ZC3H14: variants seen among roughly 807,000 people sequenced by gnomAD.
The protein encoded by ZC3H14 is zinc finger CCCH-type containing 14, also known as zinc finger CCCH domain-containing protein 14.
ZC3H14 carries 31 observed loss-of-function variants against 92.4 expected under a neutral mutation model. The ratio of observed to expected loss-of-function variants is 0.34; its 90% CI spans 0.25 to 0.45. ZC3H14 has a LOEUF of 0.45. Among genes scored for constraint, ZC3H14 ranks in the 20% least tolerant of loss-of-function variants. The pLI is 1.00. For synonymous variants in ZC3H14, 321 were observed against 300.9 expected, an observed-to-expected ratio of 1.07 and a Z score of -0.69; for missense variants, 781 against 897.3, an observed-to-expected ratio of 0.87 and a Z score of 1.66.
In ZC3H14 at chr14:88,616,971, C is replaced by A; in HGVS notation, c.*5220C>A. 8.4e-7 allele frequency: 1 copy of A among 1,191,382 alleles called. No individual in the cohort carries two copies. Among genetic ancestry groups the A allele is most frequent in the South Asian group, 1.6e-5 (1 of 62,736 alleles). The allele number at this position is 1,191,382 out of a possible 1,614,324, so 73.8% of individuals were successfully genotyped here. A position where few individuals can be genotyped will look rare whatever the true frequency, so the allele number is the denominator to read the frequency against. ...TTTCTTGGCAATTAATCTCTAAGTA[C>A]CCTATCATGTTACTTAAAATACAGG... is the stretch of plus-strand genomic sequence containing the variant. On this transcript the variant is annotated 3_prime_UTR_variant, in exon 17 of 17. Coordinates refer to ENST00000251038, the MANE Select transcript of ZC3H14 (RefSeq NM_024824.5).
At chr14:88,609,618 A>G (rs2086203484) in intron 14 of ZC3H14, 94 bp from the exon 15 acceptor site, 1 of 1,478,308 alleles carries the variant, frequency 6.8e-7, no homozygotes, top group South Asian at 1.1e-5. Flanking sequence ...TAATTTAAAA[A>G]TGGTTTTCAC....
At chr14:88,567,284 T>G (rs984228755) in intron 2 of ZC3H14, among the ~76,000 whole-genome samples, 1 of 151,522 alleles carries the variant, frequency 6.6e-6, no homozygotes, top group Non-Finnish European at 1.5e-5. Flanking sequence ...CCCGGCTAAT[T>G]TTTTGTATTT....
In ZC3H14 at chr14:88,616,081, T is replaced by TAA. The variant is rs2087563813; in HGVS notation, c.*4330_*4331insAA. Reference sequence around the variant, plus strand: ...CATAAACCAAAGCTGTAGGAGTTGTTGTATTAAGTCTCTTAACTAGTAACA... The same window carrying TAA: ...CATAAACCAAAGCTGTAGGAGTTGTTAAGTATTAAGTCTCTTAACTAGTAACA... On this transcript the variant is annotated 3_prime_UTR_variant, in exon 17 of 17. Transcript: ENST00000251038. 1.3e-6 allele frequency: 2 copies of TAA among 1,545,876 alleles called. No individual in the cohort carries two copies. Among genetic ancestry groups the TAA allele is most frequent in the Admixed American group, 1.7e-5 (1 of 59,664 alleles).
chr14:88,604,432 C>A (rs907691417), intron 12 of ZC3H14, among the ~76,000 whole-genome samples: 1 of 152,008 alleles, frequency 6.6e-6, no homozygotes, highest in African/African-American at 2.4e-5. Context: ...AGTCTCTAGT[C>A]TCTGCACCAC....
Position 88,620,683 on chromosome 14 carries a change from C to T in ZC3H14, c.*8932C>T. ...TGGGGACCTCTTTTTGAAGGCAAGG[C>T]TATGGAAAATTTTACAAATGGAAGT... On this transcript the variant is annotated 3_prime_UTR_variant, in exon 17 of 17. Transcript: ENST00000251038. This position sits in a 1 kb window ranked among gnomAD's most constrained non-coding sequence, Gnocchi z 4.3. The T allele has an allele frequency of 7.5e-7, 1 of 1,339,776 alleles. No individual in the cohort carries two copies. Among genetic ancestry groups the T allele is most frequent in the South Asian group, 2.0e-5 (1 of 49,426 alleles). 83.0% of individuals were successfully genotyped at this position (1,339,776 alleles called of 1,614,324 possible).
chr14:88,571,142 T>A lies in ZC3H14; in HGVS notation c.235+18T>A, dbSNP rs1406280551. 3.2e-6 allele frequency: 5 copies of A among 1,576,620 alleles called. No homozygotes were observed. The Admixed American group carries it at 6.9e-5, about 22-fold the overall frequency. On this transcript the variant is annotated intron_variant, in intron 4 of 16. Transcript: ENST00000251038. ...TACAACTGGTAAGATTCATAACTTTTTTTTTTAATTTCTGCTTGCTATGGC... is the reference window on the plus strand; with the variant it reads ...TACAACTGGTAAGATTCATAACTTTATTTTTTAATTTCTGCTTGCTATGGC...
In ZC3H14 at chr14:88,602,814, T is replaced by C; in HGVS notation, c.1515-14T>C. ...GTTTCCCTAATTCTATGGTATTTTT[T>C]ATCTGTCTGGCAGAGATCTTGTACA... On this transcript the variant is annotated splice_polypyrimidine_tract_variant and intron_variant, in intron 11 of 16. Transcript: ENST00000251038. 2 of 1,613,546 alleles carry C rather than the reference T, an allele frequency of 1.2e-6. No individual in the cohort carries two copies. Among genetic ancestry groups the C allele is most frequent in the Non-Finnish European group, 8.5e-7 (1 of 1,179,638 alleles).
At chr14:88,594,533 C>T in intron 9 of ZC3H14, 2 of 1,426,964 alleles carry the variant, frequency 1.4e-6, no homozygotes, top group Middle Eastern at 2.6e-4. Flanking sequence ...TGAATTCTGA[C>T]TCTAGAAATG....
intron 5 of ZC3H14, 132 bp downstream of exon 5, chr14:88,572,357 T>G (rs2080542899): frequency 8.7e-7 from 1 of 1,147,162 alleles, no homozygotes; most frequent in Admixed American, 2.4e-5. Context: ...AGTAGTTTTT[T>G]GAATAAAATA....
intron 6 of ZC3H14, 49 bp downstream of exon 6, chr14:88,573,056 T>G (rs1236048357): frequency 3.1e-6 from 5 of 1,591,964 alleles, no homozygotes; most frequent in Admixed American, 1.7e-5. Flanking sequence ...TCGGCAGTTC[T>G]TGATACCAAA....
chr14:88,619,018 A>G lies in ZC3H14; in HGVS notation c.*7267A>G. The G allele has an allele frequency of 2.4e-6, 1 of 418,706 alleles. No homozygotes were observed. Among genetic ancestry groups the G allele is most frequent in the East Asian group, 4.0e-5 (1 of 25,098 alleles). The allele number at this position is 418,706 out of a possible 1,614,324, so 25.9% of individuals were successfully genotyped here. ...GCTTTATATTTTACTTAAATTTTAA[A>G]TATTTCCCCAATTGTCATCTCCCAA... is the stretch of plus-strand genomic sequence containing the variant. On this transcript the variant is annotated 3_prime_UTR_variant, in exon 17 of 17. Transcript: ENST00000251038.
chr14:88,573,451 G>A (rs2080740467), intron 6 of ZC3H14, among the ~76,000 whole-genome samples: 1 of 152,022 alleles, frequency 6.6e-6, no homozygotes, highest in African/African-American at 2.4e-5. Context: ...TTTACTTTTT[G>A]AGAAGGAGTT....
chr14:88,571,138 C>CAT lies in ZC3H14; in HGVS notation c.235+14_235+15insAT, dbSNP rs10682918. ...CTGTTACAACTGGTAAGATTCATAA[C>CAT]TTTTTTTTTTAATTTCTGCTTGCTA... is the stretch of plus-strand genomic sequence containing the variant. On this transcript the variant is annotated intron_variant, in intron 4 of 16. Transcript: ENST00000251038. The CAT allele has an allele frequency of 0.63, 907,378 of 1,450,076 alleles. 265,916 individuals are homozygous for CAT. Among genetic ancestry groups the CAT allele is most frequent in the Non-Finnish European group, 0.67 (704,855 of 1,056,632 alleles). The allele number at this position is 1,450,076 out of a possible 1,614,324, so 89.8% of individuals were successfully genotyped here. A position where few individuals can be genotyped will look rare whatever the true frequency, so the allele number is the denominator to read the frequency against.
At position 88,625,256 on chromosome 14, in the gene ZC3H14, G is replaced by T; in HGVS notation, c.*13505G>T. 9.2e-7 allele frequency: 1 copy of T among 1,090,156 alleles called. No individual in the cohort carries two copies. Among genetic ancestry groups the T allele is most frequent in the South Asian group, 1.7e-5 (1 of 58,352 alleles). 67.5% of individuals were successfully genotyped at this position (1,090,156 alleles called of 1,614,324 possible). A position where few individuals can be genotyped will look rare whatever the true frequency, so the allele number is the denominator to read the frequency against. On this transcript the variant is annotated 3_prime_UTR_variant, in exon 17 of 17. Coordinates refer to ENST00000251038, the MANE Select transcript of ZC3H14 (RefSeq NM_024824.5). Reference sequence around the variant, plus strand: ...AAAGAGCATGCATCGTGTAGTGGCAGCAGCACTGAATTCACGAGTCAGGAA... The same window carrying T: ...AAAGAGCATGCATCGTGTAGTGGCATCAGCACTGAATTCACGAGTCAGGAA...
At chr14:88,605,656 C>T (rs979306707) in intron 12 of ZC3H14, among the ~76,000 whole-genome samples, 2 of 152,170 alleles carry the variant, frequency 1.3e-5, no homozygotes, top group Non-Finnish European at 2.9e-5. Context: ...AGGACTTTTA[C>T]TATTTTTAAA....
chr14:88,565,990 C>T (rs2079524259), intron 2 of ZC3H14, among the ~76,000 whole-genome samples: 2 of 118,720 alleles, frequency 1.7e-5, no homozygotes, highest in Non-Finnish European at 3.4e-5. Context: ...GCCTCAGCTT[C>T]CCGAGTAGCT....
intron 8 of ZC3H14, among the ~76,000 whole-genome samples, chr14:88,576,526 G>A (rs1386699456): frequency 6.6e-6 from 1 of 152,212 alleles, no homozygotes; most frequent in Non-Finnish European, 1.5e-5. Context: ...CTGTAAGCTG[G>A]TCTTACGGAA....
chr14:88,578,170 A>T, intron 9 of ZC3H14, 30 bp downstream of exon 9: 1 of 1,612,138 alleles, frequency 6.2e-7, no homozygotes, highest in Non-Finnish European at 8.5e-7. Context: ...TTCACTCTTT[A>T]CTACAGTTTT....
At chr14:88,594,783 G>A in intron 9 of ZC3H14, 7 of 1,614,062 alleles carry the variant, frequency 4.3e-6, no homozygotes, top group Non-Finnish European at 5.9e-6. Flanking sequence ...TTCCACCGGA[G>A]CCAGTGGACT....
Sources: allele counts gnomAD v4.1 joint callset (sites outside exome capture counted in the v4.1 genomes callset), GRCh38; gene constraint gnomAD v4.1.1; non-coding constraint Gnocchi (gnomAD v3.1); transcripts MANE v1.5; gene names NCBI Gene and HGNC (gene_info 2026-07-23, HGNC 2026-07-21).